The following PLCXD3 variants were observed in gnomAD, a reference collection of about 807,000 sequenced individuals.
PLCXD3 encodes PI-PLC X domain-containing protein 3.
In PLCXD3, 19 loss-of-function variants were observed where a neutral mutation model predicts 25.5. The ratio of observed to expected loss-of-function variants is 0.75; its 90% CI spans 0.52 to 1.09. PLCXD3 has a LOEUF of 1.09. Ranked by LOEUF, PLCXD3 falls within the 50% of genes least tolerant of loss-of-function variation. The pLI, the probability that PLCXD3 is intolerant of heterozygous loss-of-function variation, is 0.00. For missense variants in PLCXD3, 411 were observed against 388.1 expected (o/e 1.06, Z -0.50); for synonymous variants, 174 against 137.6 (o/e 1.26, Z -1.85).
At chr5:41,468,795 T>A (rs1389383880) in intron 1 of PLCXD3, among the ~76,000 whole-genome samples, 1 of 152,170 alleles carries the variant, frequency 6.6e-6, no homozygotes, top group East Asian at 1.9e-4. Context: ...TTTTTATATG[T>A]AAGGTTATGT....
chr5:41,332,243 A>G (rs1328879163), intron 2 of PLCXD3, among the ~76,000 whole-genome samples: 1 of 152,170 alleles, frequency 6.6e-6, no homozygotes, highest in African/African-American at 2.4e-5. Flanking sequence ...CAACAAATTT[A>G]CAAGAAAAAA....
chr5:41,380,771 A>G (rs927954879), intron 2 of PLCXD3, among the ~76,000 whole-genome samples: 2 of 152,166 alleles, frequency 1.3e-5, no homozygotes, highest in African/African-American at 4.8e-5. Context: ...TAAAAATAAG[A>G]GATCTGATAA....
chr5:41,421,165 A>C (rs547615822), intron 1 of PLCXD3, among the ~76,000 whole-genome samples: 21 of 152,336 alleles, frequency 1.4e-4, no homozygotes, highest in African/African-American at 5.1e-4. Flanking sequence ...ATTAGGCATA[A>C]TATCCAAACA....
At chr5:41,376,008 A>G (rs1745283465) in intron 2 of PLCXD3, among the ~76,000 whole-genome samples, 1 of 152,128 alleles carries the variant, frequency 6.6e-6, no homozygotes, top group African/African-American at 2.4e-5. Context: ...GACACAAATC[A>G]TGTAGCGCTC....
intron 2 of PLCXD3, among the ~76,000 whole-genome samples, chr5:41,380,429 A>G (rs1250670996): frequency 2.0e-5 from 3 of 152,026 alleles, no homozygotes; most frequent in Non-Finnish European, 4.4e-5. Flanking sequence ...TCTCCATTCC[A>G]TCAATCCTCC....
chr5:41,361,997 A>G (rs1744793249), intron 2 of PLCXD3, among the ~76,000 whole-genome samples: 1 of 152,218 alleles, frequency 6.6e-6, no homozygotes, highest in Non-Finnish European at 1.5e-5. Context: ...GTCAGTTAGT[A>G]CATTGACCAA....
At chr5:41,363,862 TA>T (rs1351205951) in intron 2 of PLCXD3, among the ~76,000 whole-genome samples, 2 of 152,246 alleles carry the variant, frequency 1.3e-5, no homozygotes, top group Non-Finnish European at 1.5e-5. Flanking sequence ...CAGTAGACAC[TA>T]AAAATGTGTA....
intron 1 of PLCXD3, among the ~76,000 whole-genome samples, chr5:41,402,467 A>G (rs142331486): frequency 2.8e-4 from 42 of 151,780 alleles, no homozygotes; most frequent in African/African-American, 9.4e-4. Flanking sequence ...TAATTCTTAC[A>G]AATTTATTGA....
At chr5:41,394,837 C>A (rs888353719) in intron 1 of PLCXD3, among the ~76,000 whole-genome samples, 1 of 152,074 alleles carries the variant, frequency 6.6e-6, no homozygotes, top group South Asian at 2.1e-4. Context: ...GTAATATTAT[C>A]AGAGCTAAAG....
chr5:41,361,846 A>G (rs1744789211), intron 2 of PLCXD3, among the ~76,000 whole-genome samples: 1 of 152,204 alleles, frequency 6.6e-6, no homozygotes, highest in Non-Finnish European at 1.5e-5. Context: ...ATATTGAACT[A>G]ATTATCACAA....
At chr5:41,459,505 C>T (rs1747827456) in intron 1 of PLCXD3, among the ~76,000 whole-genome samples, 1 of 151,802 alleles carries the variant, frequency 6.6e-6, no homozygotes, top group Admixed American at 6.6e-5. Context: ...AAGATTTGTA[C>T]ATTCATGTGA....
At chr5:41,435,523 A>T (rs1747227485) in intron 1 of PLCXD3, among the ~76,000 whole-genome samples, 1 of 152,166 alleles carries the variant, frequency 6.6e-6, no homozygotes, top group South Asian at 2.1e-4. Context: ...ACTGGGCTAG[A>T]TGGGAAAGGT....
At chr5:41,408,477 A>G (rs1746416586) in intron 1 of PLCXD3, among the ~76,000 whole-genome samples, 1 of 152,226 alleles carries the variant, frequency 6.6e-6, no homozygotes. Context: ...ATATGAGGAC[A>G]TTCTAAGTTT....
At chr5:41,426,384 T>G (rs2150507370) in intron 1 of PLCXD3, among the ~76,000 whole-genome samples, 1 of 152,204 alleles carries the variant, frequency 6.6e-6, no homozygotes, top group East Asian at 1.9e-4. Context: ...TGCTTTCCAA[T>G]TGCCATATGT....
intron 1 of PLCXD3, among the ~76,000 whole-genome samples, chr5:41,426,388 C>T (rs1171862937): frequency 6.6e-6 from 1 of 151,666 alleles, no homozygotes; most frequent in Middle Eastern, 3.2e-3. Flanking sequence ...TTCCAATTGC[C>T]ATATGTTTTT....
Position 41,382,302 on chromosome 5 carries a change from A to G in PLCXD3, c.336T>C (p.Phe112=), listed in dbSNP as rs764768841. The part of the protein sequence containing the change: ...KPRDPDNELY[F]AHGLFSAKVN... ...CTTTGGCACTGAACAAACCATGAGC[A>G]AAATAGAGTTCATTGTCGGGGTCTC... Residue 112 remains phenylalanine, a synonymous_variant, in exon 2 of 3, where the codon TTT becomes TTC. Transcript: ENST00000377801. The G allele has an allele frequency of 1.9e-6, 3 of 1,613,634 alleles. No homozygotes were observed. The highest frequency in any genetic ancestry group is 3.3e-5 in the Admixed American group (2 of 59,934).
chr5:41,492,159 G>A (rs1580400674), intron 1 of PLCXD3, among the ~76,000 whole-genome samples: 1 of 152,088 alleles, frequency 6.6e-6, no homozygotes, highest in African/African-American at 2.4e-5. Context: ...GCATTTGCTT[G>A]TCTGTAAAGT....
intron 2 of PLCXD3, among the ~76,000 whole-genome samples, chr5:41,363,029 T>G (rs1744834287): frequency 6.6e-6 from 1 of 152,218 alleles, no homozygotes; most frequent in African/African-American, 2.4e-5. Flanking sequence ...ACTGTCATTG[T>G]TACCACAGAA....
At chr5:41,490,913 G>T (rs1411678189) in intron 1 of PLCXD3, among the ~76,000 whole-genome samples, 1 of 152,040 alleles carries the variant, frequency 6.6e-6, no homozygotes, top group Non-Finnish European at 1.5e-5. Context: ...TTTTTGAAGG[G>T]TTTTTTGTGT....
Sources: gnomAD v4.1 joint callset for allele counts (sites outside exome capture counted in the v4.1 genomes callset) on GRCh38, gnomAD v4.1.1 for gene constraint, MANE v1.5 for transcripts, NCBI Gene and HGNC (gene_info 2026-07-23, HGNC 2026-07-21) for gene names.